DYRK1A: variants seen among roughly 807,000 people sequenced by gnomAD.
The protein encoded by DYRK1A is dual specificity tyrosine phosphorylation regulated kinase 1A.
DYRK1A carries 9 observed loss-of-function variants against 79.7 expected under a neutral mutation model. The ratio of observed to expected loss-of-function variants is 0.11; its 90% confidence interval spans 0.07 to 0.20. The LOEUF (loss-of-function observed/expected upper bound fraction) is 0.20. DYRK1A is among the 10% of genes least tolerant of loss of function. The probability of loss-of-function intolerance (pLI) is 1.00; values close to 1 mark genes in which losing one functional copy is unlikely to be tolerated. For synonymous variants in DYRK1A, 349 were observed against 329.7 expected, an observed-to-expected ratio of 1.06 and a Z score of -0.63; for missense variants, 622 against 956.0, an observed-to-expected ratio of 0.65 and a Z score of 4.61.
At chr21:37,487,318 A>G (rs1286655892) in intron 6 of DYRK1A, 1 of 152,172 alleles carries the variant, frequency 6.6e-6, no homozygotes, top group Non-Finnish European at 1.5e-5. Flanking sequence ...ATTCTCACAT[A>G]GTCTTCCTTC....
chr21:37,465,563 A>G (rs2051997339), intron 2 of DYRK1A, among the ~76,000 whole-genome samples: 1 of 152,210 alleles, frequency 6.6e-6, no homozygotes, highest in Non-Finnish European at 1.5e-5. Flanking sequence ...TTGGCCAGGC[A>G]TGGTGGCTCA....
intron 1 of DYRK1A, chr21:37,419,624 T>TCTTTA (rs2050425151): frequency 6.6e-6 from 1 of 152,230 alleles, no homozygotes; most frequent in South Asian, 2.1e-4. Context: ...CTTGTACTTG[T>TCTTTA]CTTTACCTCT....
At chr21:37,451,673 A>G (rs1330955564) in intron 2 of DYRK1A, among the ~76,000 whole-genome samples, 1 of 151,950 alleles carries the variant, frequency 6.6e-6, no homozygotes, top group South Asian at 2.1e-4. Flanking sequence ...GTGGGCGTGC[A>G]GTAGGCTCCA....
intron 3 of DYRK1A, among the ~76,000 whole-genome samples, chr21:37,477,613 C>G (rs961234218): frequency 7.2e-5 from 11 of 152,110 alleles, no homozygotes; most frequent in Non-Finnish European, 1.5e-4. Flanking sequence ...ACTGTGAGGG[C>G]AAGCCTTGGT....
chr21:37,407,576 C>T (rs1291956505), intron 1 of DYRK1A, among the ~76,000 whole-genome samples: 1 of 152,088 alleles, frequency 6.6e-6, no homozygotes, highest in Non-Finnish European at 1.5e-5. Flanking sequence ...GGCATATAAC[C>T]TCTCTAGACC....
rs1333255972 is a variant in DYRK1A at position 37,466,314 on chromosome 21, GTAAT to G, written c.11-6367_11-6364del. ...TCAACATAGTGGATGAGTTTAGGGAGTAATTAGATTTTGATTAGTCAAGGATGCA... is the reference window on the plus strand; with the variant it reads ...TCAACATAGTGGATGAGTTTAGGGAGTAGATTTTGATTAGTCAAGGATGCA... On this transcript the variant is annotated intron_variant, in intron 2 of 11. Transcript: ENST00000647188. Among the ~76,000 whole-genome samples the G allele has an allele frequency of 4.6e-5, 7 of 152,268 alleles. No homozygotes were observed. The South Asian group carries it at 8.3e-4, about 18-fold the overall frequency.
At position 37,517,840 on chromosome 21, in the gene DYRK1A, C is replaced by T. The variant is rs902068740; in HGVS notation, c.*5309C>T. On this transcript the variant is annotated 3_prime_UTR_variant, in exon 12 of 12. Coordinates refer to ENST00000647188, the MANE Select transcript of DYRK1A (RefSeq NM_001347721.2). ...CTGGGGTGGGGTTTGTTAACTCCCT[C>T]TGAAATGAAAGAAAATACCTCTAGT... 1 of 152,018 alleles carries T rather than the reference C, an allele frequency of 6.6e-6. No individual in the cohort carries two copies. The highest frequency in any genetic ancestry group is 6.6e-5 in the Admixed American group (1 of 15,258). The allele number at this position is 152,018 out of a possible 1,614,324, so 9.4% of individuals were successfully genotyped here.
intron 2 of DYRK1A, among the ~76,000 whole-genome samples, chr21:37,440,762 C>T (rs956818065): frequency 6.6e-6 from 1 of 152,106 alleles, no homozygotes; most frequent in Non-Finnish European, 1.5e-5. Flanking sequence ...CACCAGAGAA[C>T]GTATTTTGAA....
At chr21:37,436,252 T>G (rs1402421772) in intron 2 of DYRK1A, among the ~76,000 whole-genome samples, 17 of 152,108 alleles carry the variant, frequency 1.1e-4, no homozygotes. Flanking sequence ...TAGAGAGTAA[T>G]AAGAAGAAAG....
chr21:37,437,286 ATTTC>A (rs2050952024), intron 2 of DYRK1A, among the ~76,000 whole-genome samples: 1 of 152,202 alleles, frequency 6.6e-6, no homozygotes, highest in South Asian at 2.1e-4. Context: ...CAAAATAGAC[ATTTC>A]TTTGATTTTT....
chr21:37,417,359 T>C (rs1330719858), intron 1 of DYRK1A, among the ~76,000 whole-genome samples: 1 of 151,538 alleles, frequency 6.6e-6, no homozygotes, highest in Non-Finnish European at 1.5e-5. Flanking sequence ...CCCAGCTAAT[T>C]TTTTTTGTAT....
intron 2 of DYRK1A, among the ~76,000 whole-genome samples, chr21:37,448,353 G>GA (rs1353585168): frequency 2.0e-5 from 3 of 152,004 alleles, no homozygotes; most frequent in African/African-American, 7.3e-5. Context: ...TGTTCTGGTG[G>GA]AGGGTCCCAT....
At chr21:37,431,421 A>G (rs1331496840) in intron 2 of DYRK1A, among the ~76,000 whole-genome samples, 1 of 152,184 alleles carries the variant, frequency 6.6e-6, no homozygotes, top group Non-Finnish European at 1.5e-5. Flanking sequence ...TGAGCTGCGA[A>G]GTTGCCCATT....
At chr21:37,446,956 T>C (rs2051293507) in intron 2 of DYRK1A, among the ~76,000 whole-genome samples, 1 of 152,118 alleles carries the variant, frequency 6.6e-6, no homozygotes. Context: ...CTCTCCTGAT[T>C]GTTACTAGTC....
chr21:37,479,870 A>G (rs2148579501), intron 4 of DYRK1A, among the ~76,000 whole-genome samples: 1 of 150,630 alleles, frequency 6.6e-6, no homozygotes, highest in East Asian at 2.0e-4. Flanking sequence ...CTCGTGATCC[A>G]CCCTCCTCGG....
intron 1 of DYRK1A, among the ~76,000 whole-genome samples, chr21:37,373,861 C>T (rs527745221): frequency 2.6e-5 from 4 of 152,246 alleles, no homozygotes; most frequent in African/African-American, 9.6e-5. Context: ...TTAAACATTG[C>T]CTGTTACACT....
intron 1 of DYRK1A, among the ~76,000 whole-genome samples, chr21:37,388,122 T>A (rs576015562): frequency 0.076 from 11,251 of 147,984 alleles, 626 homozygotes; most frequent in Non-Finnish European, 0.11. Flanking sequence ...TTTTTTTTTT[T>A]ACTCTTGCCC....
At position 37,519,450 on chromosome 21, in the gene DYRK1A, C is replaced by T. The variant is rs2053913221; in HGVS notation, c.*6919C>T. On this transcript the variant is annotated 3_prime_UTR_variant, in exon 12 of 12. Coordinates refer to ENST00000647188, the MANE Select transcript of DYRK1A (RefSeq NM_001347721.2). The stretch of plus-strand genomic sequence containing the variant: ...GCATGCCTCAGTGAGGTAATGTCCG[C>T]AGAAAGCACAATGCCTAGTATGTAG... 1 of 152,226 alleles carries T rather than the reference C, an allele frequency of 6.6e-6. No homozygotes were observed. The allele number at this position is 152,226 out of a possible 1,614,324, so 9.4% of individuals were successfully genotyped here. A position where few individuals can be genotyped will look rare whatever the true frequency, so the allele number is the denominator to read the frequency against.
chr21:37,407,898 G>A (rs1247560247), intron 1 of DYRK1A, among the ~76,000 whole-genome samples: 2 of 152,108 alleles, frequency 1.3e-5, no homozygotes, highest in African/African-American at 4.8e-5. Flanking sequence ...AGTTTGACCT[G>A]TGTCGATCAC....
Sources: gnomAD v4.1 joint callset for allele counts (sites outside exome capture counted in the v4.1 genomes callset) on GRCh38, gnomAD v4.1.1 for gene constraint, MANE v1.5 for transcripts, NCBI Gene and HGNC (gene_info 2026-07-23, HGNC 2026-07-21) for gene names.